Variants in RAB18 observed in about 807,000 individuals in gnomAD.
The protein encoded by RAB18 is ras-related protein Rab-18.
Under a neutral mutation model 28.5 loss-of-function variants are expected in RAB18, and 10 were observed. The ratio of observed to expected loss-of-function variants is 0.35; its 90% CI spans 0.22 to 0.60. The LOEUF is 0.60. RAB18 is among the 20% of genes least tolerant of loss of function. The pLI is 0.78. For synonymous variants in RAB18, 93 were observed against 86.9 expected (o/e 1.07, Z -0.39); for missense variants, 188 against 244.2 (o/e 0.77, Z 1.53).
In RAB18 at chr10:27,540,651, C is replaced by CA; in HGVS notation, c.*2603dup. 1 of 454,036 alleles carries CA rather than the reference C, an allele frequency of 2.2e-6. No individual in the cohort carries two copies. The highest frequency in any genetic ancestry group is 4.4e-6 in the Non-Finnish European group (1 of 226,762). The allele number at this position is 454,036 out of a possible 1,614,324, so 28.1% of individuals were successfully genotyped here. A position where few individuals can be genotyped will look rare whatever the true frequency, so the allele number is the denominator to read the frequency against. On this transcript the variant is annotated 3_prime_UTR_variant, in exon 7 of 7. Coordinates refer to ENST00000356940, the MANE Select transcript of RAB18 (RefSeq NM_021252.5). ...TGAAAATCCTGACTTAGAAAAGGTA[C>CA]AAAGTTAGGGGACTTATGGTACCTT...
rs949181894 is a variant in RAB18, at chr10:27,533,688, G to C, written c.260-47G>C. On this transcript the variant is annotated intron_variant, in intron 4 of 6. Coordinates refer to ENST00000356940, the MANE Select transcript of RAB18 (RefSeq NM_021252.5). ...AGCTACATATCAGAAATACGCCATT[G>C]CTTCTTTCTTTAATGCTTATTTAAC... 3.4e-6 allele frequency: 5 copies of C among 1,453,144 alleles called. No homozygotes were observed. In the African/African-American group the frequency reaches 7.4e-5, roughly 21 times the overall value. 90.0% of individuals were successfully genotyped at this position (1,453,144 alleles called of 1,614,324 possible).
Position 27,539,582 on chromosome 10 carries a change from TACTTGTGATTTGTTCATGTTATATTAAA to T in RAB18, c.*1537_*1564del. ...TTTGGAGAAAGAACACTAACACATG[TACTTGTGATTTGTTCATGTTATATTAAA>T]ACTTGAGATTTGTGTATTTATGTAG... On this transcript the variant is annotated 3_prime_UTR_variant, in exon 7 of 7. Coordinates refer to ENST00000356940, the MANE Select transcript of RAB18 (RefSeq NM_021252.5). The T allele has an allele frequency of 2.3e-6, 1 of 435,414 alleles. No individual in the cohort carries two copies. Among genetic ancestry groups the T allele is most frequent in the Non-Finnish European group, 4.5e-6 (1 of 220,968 alleles). The allele number at this position is 435,414 out of a possible 1,614,324, so 27.0% of individuals were successfully genotyped here. A position where few individuals can be genotyped will look rare whatever the true frequency, so the allele number is the denominator to read the frequency against.
intron 2 of RAB18, among the ~76,000 whole-genome samples, chr10:27,519,213 A>G (rs1450431473): frequency 6.6e-6 from 1 of 152,110 alleles, no homozygotes; most frequent in Admixed American, 6.5e-5. Flanking sequence ...TAATCATCTC[A>G]ATAGATGCAG....
In RAB18 at chr10:27,539,715, G is replaced by C. The variant is rs1028163286; in HGVS notation, c.*1664G>C. 1 of 451,740 alleles carries C rather than the reference G, an allele frequency of 2.2e-6. No individual in the cohort carries two copies. Among genetic ancestry groups the C allele is most frequent in the Non-Finnish European group, 4.4e-6 (1 of 226,144 alleles). 28.0% of individuals were successfully genotyped at this position (451,740 alleles called of 1,614,324 possible). A position where few individuals can be genotyped will look rare whatever the true frequency, so the allele number is the denominator to read the frequency against. On this transcript the variant is annotated 3_prime_UTR_variant, in exon 7 of 7. Transcript: ENST00000356940. ...TGTATTGGATTGTTGTCTTGATTTG[G>C]TCTAAATTTGAATATATATGAGTTA...
Position 27,539,751 on chromosome 10 carries a change from A to G in RAB18, c.*1700A>G, listed in dbSNP as rs934561457. On this transcript the variant is annotated 3_prime_UTR_variant, in exon 7 of 7. Coordinates refer to ENST00000356940, the MANE Select transcript of RAB18 (RefSeq NM_021252.5). Reference sequence around the variant, plus strand: ...AATATATATGAGTTACTTGAATATAACAAAAATGAATTTTGTTTGATAGAT... The same window carrying G: ...AATATATATGAGTTACTTGAATATAGCAAAAATGAATTTTGTTTGATAGAT... 2.2e-6 allele frequency: 1 copy of G among 450,608 alleles called. No individual in the cohort carries two copies. Among genetic ancestry groups the G allele is most frequent in the African/African-American group, 2.0e-5 (1 of 49,850 alleles). The allele number at this position is 450,608 out of a possible 1,614,324, so 27.9% of individuals were successfully genotyped here.
chr10:27,541,793 G>A lies in RAB18; in HGVS notation c.*3742G>A, dbSNP rs1363759385. ...TTGTTTGTGTGTGCTGTGGCTGCCCGATCCAGCACCTACTTCCTTCTCCCA... is the reference window on the plus strand; with the variant it reads ...TTGTTTGTGTGTGCTGTGGCTGCCCAATCCAGCACCTACTTCCTTCTCCCA... On this transcript the variant is annotated 3_prime_UTR_variant, in exon 7 of 7. Transcript: ENST00000356940. 2.2e-6 allele frequency: 1 copy of A among 453,638 alleles called. No individual in the cohort carries two copies. Among genetic ancestry groups the A allele is most frequent in the South Asian group, 1.6e-5 (1 of 64,440 alleles). 28.1% of individuals were successfully genotyped at this position (453,638 alleles called of 1,614,324 possible). A position where few individuals can be genotyped will look rare whatever the true frequency, so the allele number is the denominator to read the frequency against.
intron 2 of RAB18, among the ~76,000 whole-genome samples, chr10:27,515,783 C>G (rs1434311679): frequency 3.3e-5 from 5 of 151,936 alleles, no homozygotes; most frequent in Non-Finnish European, 7.4e-5. Flanking sequence ...TTGGAATTAT[C>G]TGTTCTTTAA....
At position 27,540,631 on chromosome 10, in the gene RAB18, A is replaced by G. The variant is rs1385395117; in HGVS notation, c.*2580A>G. On this transcript the variant is annotated 3_prime_UTR_variant, in exon 7 of 7. Transcript: ENST00000356940. ...TTCACCTGCTCAGAGTGGACTGAAA[A>G]TCCTGACTTAGAAAAGGTACAAAGT... 2 of 453,996 alleles carry G rather than the reference A, an allele frequency of 4.4e-6. No homozygotes were observed. The highest frequency in any genetic ancestry group is 1.4e-4 in the East Asian group (2 of 14,414). 28.1% of individuals were successfully genotyped at this position (453,996 alleles called of 1,614,324 possible). A position where few individuals can be genotyped will look rare whatever the true frequency, so the allele number is the denominator to read the frequency against.
At chr10:27,532,749 T>G (rs1222103871) in intron 4 of RAB18, among the ~76,000 whole-genome samples, 170 bp downstream of exon 4, 6 of 152,092 alleles carry the variant, frequency 3.9e-5, no homozygotes, top group African/African-American at 7.2e-5. Context: ...ACTTTTGATT[T>G]TAGTCTTGTC....
At position 27,538,328 on chromosome 10, in the gene RAB18, T is replaced by A. The variant is rs552999694; in HGVS notation, c.*277T>A. 4.2e-5 allele frequency: 23 copies of A among 544,974 alleles called. No homozygotes were observed. The highest frequency in any genetic ancestry group is 5.2e-4 in the Middle Eastern group (1 of 1,940). The allele number at this position is 544,974 out of a possible 1,614,324, so 33.8% of individuals were successfully genotyped here. ...TGATTTACATTTATCATGTAATTTT[T>A]AAAAAAATCCATCTATCTAGGATAT... On this transcript the variant is annotated 3_prime_UTR_variant, in exon 7 of 7. Transcript: ENST00000356940.
At chr10:27,521,574 A>AG (rs764038281) in intron 2 of RAB18, among the ~76,000 whole-genome samples, 1 of 152,244 alleles carries the variant, frequency 6.6e-6, no homozygotes, top group Non-Finnish European at 1.5e-5. Flanking sequence ...GGAGATCATT[A>AG]TTCTAAGTGA....
chr10:27,524,096 T>C (rs556867546), intron 2 of RAB18, among the ~76,000 whole-genome samples: 1 of 151,878 alleles, frequency 6.6e-6, no homozygotes, highest in South Asian at 2.1e-4. Flanking sequence ...AAAATAAAAA[T>C]AAAAATTTAT....
In RAB18 at chr10:27,533,833, G is replaced by A. The variant is rs767497313; in HGVS notation, c.358G>A (p.Val120Ile). The change falls in exon 5 of 7, where the codon GTT becomes ATT. Residue 120 changes from valine to isoleucine, a missense_variant. Val to Ile is a conservative substitution (Grantham distance 29). Transcript: ENST00000356940. ...CTRNDIVNML[V>I]GNKIDKENRE... Reference sequence around the variant, plus strand: ...AAGAAATGACATAGTAAACATGCTAGTTGGAAATAAAATCGATAAGGTAAG... The same window carrying A: ...AAGAAATGACATAGTAAACATGCTAATTGGAAATAAAATCGATAAGGTAAG... 5.5e-5 allele frequency: 88 copies of A among 1,613,408 alleles called. 1 individual carries two copies. The South Asian group carries it at 9.4e-4, about 17-fold the overall frequency.
In RAB18 at chr10:27,541,931, C is replaced by A. The variant is rs531475676; in HGVS notation, c.*3880C>A. On this transcript the variant is annotated 3_prime_UTR_variant, in exon 7 of 7. Transcript: ENST00000356940. ...GTTACCTTTTAGCAGTGCCCCACTT[C>A]CCCAGTAGCAATGGTTCAGGGGTAG... The A allele has an allele frequency of 1.9e-4, 88 of 453,708 alleles. 1 individual carries two copies. Among genetic ancestry groups the A allele is most frequent in the Middle Eastern group, 1.4e-3 (2 of 1,444 alleles). The allele number at this position is 453,708 out of a possible 1,614,324, so 28.1% of individuals were successfully genotyped here.
chr10:27,517,541 A>G (rs1397250357), intron 2 of RAB18, among the ~76,000 whole-genome samples: 2 of 152,220 alleles, frequency 1.3e-5, no homozygotes, highest in Non-Finnish European at 2.9e-5. Flanking sequence ...ATTATACAGA[A>G]TCAATCTCAG....
chr10:27,539,523 C>A lies in RAB18; in HGVS notation c.*1472C>A. The A allele has an allele frequency of 2.6e-6, 1 of 380,734 alleles. No individual in the cohort carries two copies. The highest frequency in any genetic ancestry group is 5.1e-6 in the Non-Finnish European group (1 of 197,498). 23.6% of individuals were successfully genotyped at this position (380,734 alleles called of 1,614,324 possible). On this transcript the variant is annotated 3_prime_UTR_variant, in exon 7 of 7. Transcript: ENST00000356940. The stretch of plus-strand genomic sequence containing the variant: ...TTGAAGGTTTTATACATTCTATATG[C>A]TTTTACTAAATATACAAGATTTACT...
Position 27,539,770 on chromosome 10 carries a change from G to A in RAB18, c.*1719G>A, listed in dbSNP as rs1305590581. ...AATATAACAAAAATGAATTTTGTTT[G>A]ATAGATTTATATTGTAACCTTTTTC... On this transcript the variant is annotated 3_prime_UTR_variant, in exon 7 of 7. Transcript: ENST00000356940. 2 of 449,766 alleles carry A rather than the reference G, an allele frequency of 4.4e-6. No homozygotes were observed. Among genetic ancestry groups the A allele is most frequent in the Admixed American group, 4.8e-5 (2 of 41,668 alleles). 27.9% of individuals were successfully genotyped at this position (449,766 alleles called of 1,614,324 possible).
chr10:27,528,438 T>C (rs1407091432), intron 3 of RAB18: 4 of 420,222 alleles, frequency 9.5e-6, no homozygotes, highest in African/African-American at 8.3e-5. Context: ...TTAGTGAGCA[T>C]TCTTTAAAAT....
At chr10:27,528,636 G>A (rs1170981112) in intron 3 of RAB18, among the ~76,000 whole-genome samples, 1 of 152,038 alleles carries the variant, frequency 6.6e-6, no homozygotes. Context: ...CTGTACTTTA[G>A]TCAGCCTTCA....
Sources: gnomAD v4.1 joint callset for allele counts (sites outside exome capture counted in the v4.1 genomes callset) on GRCh38, gnomAD v4.1.1 for gene constraint, MANE v1.5 for transcripts, NCBI Gene and HGNC (gene_info 2026-07-23, HGNC 2026-07-21) for gene names.